Variants in ATG2A observed in about 807,000 individuals in gnomAD.
ATG2A encodes autophagy-related protein 2 homolog A.
A neutral mutation model predicts 214.2 loss-of-function variants in ATG2A; 103 were observed. The observed-to-expected ratio is 0.48, with a 90% CI of 0.41 to 0.57. The LOEUF (loss-of-function observed/expected upper bound fraction) is 0.57. ATG2A is among the 20% of genes least tolerant of loss of function. The probability of loss-of-function intolerance (pLI) is 0.00; values close to 1 mark genes in which losing one functional copy is unlikely to be tolerated. For missense variants in ATG2A, 2,312 were observed against 2,613.2 expected (o/e 0.88, Z 2.51); for synonymous variants, 1,160 against 1,142.1 (o/e 1.02, Z -0.32).
intron 10 of ATG2A, 38 bp from the exon 11 acceptor site, chr11:64,910,992 G>T: frequency 6.2e-7 from 1 of 1,613,610 alleles, no homozygotes; most frequent in South Asian, 1.1e-5. Context: ...GGTGCACTTA[G>T]GGGGCTCTGA....
At chr11:64,907,004 C>T (rs1254693930) in intron 19 of ATG2A, among the ~76,000 whole-genome samples, 189 bp from the exon 20 acceptor site, 1 of 152,204 alleles carries the variant, frequency 6.6e-6, no homozygotes, top group Non-Finnish European at 1.5e-5. Context: ...CCGGGTCTGC[C>T]CGCTCGGAGT....
rs901968744 is a variant in ATG2A at position 64,898,580 on chromosome 11, G to A, written c.4671+56C>T. 2.5e-6 allele frequency: 4 copies of A among 1,578,008 alleles called. No homozygotes were observed. Among genetic ancestry groups the A allele is most frequent in the Admixed American group, 3.3e-5 (2 of 59,704 alleles). On this transcript the variant is annotated intron_variant, in intron 32 of 40. Transcript: ENST00000377264. The surrounding 1 kb of genome is among the most constrained non-coding windows in gnomAD (Gnocchi z 4.5). ...TGTGAATCCATGCATGCGTGAAGAT[G>A]TATCCCCAACGGTCTGGTGCCCTGC... is the stretch of plus-strand genomic sequence containing the variant.
chr11:64,916,471 T>G (rs1388648195), intron 1 of ATG2A, among the ~76,000 whole-genome samples: 1 of 152,084 alleles, frequency 6.6e-6, no homozygotes, highest in Non-Finnish European at 1.5e-5. Context: ...ATCCGGTGGT[T>G]TGTTGATCCC....
At chr11:64,897,609 C>T in intron 36 of ATG2A, 62 bp downstream of exon 36, 1 of 1,610,520 alleles carries the variant, frequency 6.2e-7, no homozygotes, top group African/African-American at 1.3e-5. Flanking sequence ...AAGACCTGGC[C>T]CCCAGAGGGA....
chr11:64,911,730 T>C (rs1590655695), intron 9 of ATG2A, 112 bp downstream of exon 9: 8 of 1,441,026 alleles, frequency 5.6e-6, no homozygotes, highest in African/African-American at 1.4e-5. Context: ...TCACAGATGG[T>C]AGATATCCAG....
chr11:64,898,522 A>G lies in ATG2A; in HGVS notation c.4671+114T>C. The G allele has an allele frequency of 7.3e-7, 1 of 1,377,396 alleles. No homozygotes were observed. 85.3% of individuals were successfully genotyped at this position (1,377,396 alleles called of 1,614,324 possible). On this transcript the variant is annotated intron_variant, in intron 32 of 40. Coordinates refer to ENST00000377264, the MANE Select transcript of ATG2A (RefSeq NM_015104.3). This position sits in a 1 kb window ranked among gnomAD's most constrained non-coding sequence, Gnocchi z 4.5. Reference sequence around the variant, plus strand: ...TGCCCTTCTCCCAGGCTCACAAACAACCTGGGTGTTTGTGTGGGAATGCGT... The same window carrying G: ...TGCCCTTCTCCCAGGCTCACAAACAGCCTGGGTGTTTGTGTGGGAATGCGT...
At chr11:64,901,203 G>C (rs895542707) in intron 29 of ATG2A, 111 bp from the exon 30 acceptor site, 30 of 1,135,000 alleles carry the variant, frequency 2.6e-5, no homozygotes, top group Non-Finnish European at 3.4e-5. Flanking sequence ...TTTATAGACA[G>C]GGTCGGGTCA....
Position 64,910,656 on chromosome 11 carries a change from G to T in ATG2A, c.1667C>A (p.Ala556Asp), listed in dbSNP as rs750210096. 5.0e-6 allele frequency: 8 copies of T among 1,609,364 alleles called. No homozygotes were observed. The change falls in exon 12 of 41, where the codon GCC (alanine) becomes GAC (aspartate). Residue 556 changes from alanine to aspartate, a missense_variant. Transcript: ENST00000377264. ...CAGGATCTGTGTGTGGCGCAGATGGGCGCAGGGCCGAGCTGAGGCCTGGGA... is the reference window on the plus strand; with the variant it reads ...CAGGATCTGTGTGTGGCGCAGATGGTCGCAGGGCCGAGCTGAGGCCTGGGA... Reference protein sequence around the residue: ...LGSQASARPCAHLRHTQILRR... With the variant: ...LGSQASARPCDHLRHTQILRR...
rs1473946735 is a variant in ATG2A, at chr11:64,913,502, G to C, written c.591-101C>G. ...TAGGGGCACGGGGTCAGGGAGCCTA[G>C]CCTGCAGAGCTGCCCCATCACACCT... is the stretch of plus-strand genomic sequence containing the variant. On this transcript the variant is annotated intron_variant, in intron 4 of 40. Transcript: ENST00000377264. This position sits in a 1 kb window ranked among gnomAD's most constrained non-coding sequence, Gnocchi z 4.3. 1.1e-5 allele frequency: 15 copies of C among 1,394,082 alleles called. No homozygotes were observed. The highest frequency in any genetic ancestry group is 1.4e-5 in the Non-Finnish European group (15 of 1,053,174). The allele number at this position is 1,394,082 out of a possible 1,614,324, so 86.4% of individuals were successfully genotyped here.
chr11:64,913,615 C>A lies in ATG2A; in HGVS notation c.590+206G>T. On this transcript the variant is annotated intron_variant, in intron 4 of 40. Coordinates refer to ENST00000377264, the MANE Select transcript of ATG2A (RefSeq NM_015104.3). This position sits in a 1 kb window ranked among gnomAD's most constrained non-coding sequence, Gnocchi z 4.3. ...TCAGCATCTAACTTGGTTCTTGGGG[C>A]CTCGGCCACTCTGGGCCTGTATCAC... is the stretch of plus-strand genomic sequence containing the variant. The A allele has an allele frequency of 1.2e-6, 1 of 802,164 alleles. No individual in the cohort carries two copies. The highest frequency in any genetic ancestry group is 1.9e-6 in the Non-Finnish European group (1 of 520,584). 49.7% of individuals were successfully genotyped at this position (802,164 alleles called of 1,614,324 possible).
chr11:64,895,500 G>A lies in ATG2A; in HGVS notation c.5428-58C>T. 3 of 1,474,662 alleles carry A rather than the reference G, an allele frequency of 2.0e-6. No individual in the cohort carries two copies. Among genetic ancestry groups the A allele is most frequent in the Non-Finnish European group, 2.7e-6 (3 of 1,108,732 alleles). The allele number at this position is 1,474,662 out of a possible 1,614,324, so 91.3% of individuals were successfully genotyped here. A position where few individuals can be genotyped will look rare whatever the true frequency, so the allele number is the denominator to read the frequency against. On this transcript the variant is annotated intron_variant, in intron 39 of 40. Transcript: ENST00000377264. The surrounding 1 kb of genome is among the most constrained non-coding windows in gnomAD (Gnocchi z 5.0). ...CTGGCTGGGGCACACGTCAGCCCCA[G>A]GCCCCCAGGACAGTCTGAGACCCCA...
intron 16 of ATG2A, 135 bp from the exon 17 acceptor site, chr11:64,908,025 A>G: frequency 9.4e-7 from 1 of 1,066,650 alleles, no homozygotes; most frequent in Non-Finnish European, 1.4e-6. Context: ...CTGGGGATGC[A>G]TGATAGCCGT....
Position 64,913,550 on chromosome 11 carries a change from C to G in ATG2A, c.591-149G>C. The G allele has an allele frequency of 8.9e-7, 1 of 1,124,402 alleles. No homozygotes were observed. Among genetic ancestry groups the G allele is most frequent in the Non-Finnish European group, 1.2e-6 (1 of 814,738 alleles). 69.7% of individuals were successfully genotyped at this position (1,124,402 alleles called of 1,614,324 possible). A position where few individuals can be genotyped will look rare whatever the true frequency, so the allele number is the denominator to read the frequency against. ...CCTAGGCCGTCCTGAACCACCATGT[C>G]CAGCCCGGAGGCTCAGGCCAGCCCT... On this transcript the variant is annotated intron_variant, in intron 4 of 40. Transcript: ENST00000377264. This position sits in a 1 kb window ranked among gnomAD's most constrained non-coding sequence, Gnocchi z 4.3.
rs781674793 is a variant in ATG2A at position 64,917,146 on chromosome 11, G to A, written c.-11C>T. On this transcript the variant is annotated 5_prime_UTR_variant, in exon 1 of 41. Transcript: ENST00000377264. ...CAGCCATCGTGACATCTCGGAGACC[G>A]CCGGGCCTGGGCCGCCTCCGCTTGC... 68 of 1,593,610 alleles carry A rather than the reference G, an allele frequency of 4.3e-5. No individual in the cohort carries two copies. The South Asian group carries it at 4.9e-4, about 11-fold the overall frequency.
chr11:64,902,167 A>T lies in ATG2A; in HGVS notation c.3914T>A (p.Leu1305His). ...RELAQPSGGH[L>H]PQASPISVYL... is the part of the protein sequence containing the mutation. ...GACGGAGATGGGCGACGCCTGAGGG[A>T]GGTGGCCACCTATAGGAGAGAGGCC... The change falls in exon 29 of 41, where the codon CTC (leucine) becomes CAC (histidine). Residue 1305 changes from leucine (L) to histidine (H), a missense_variant. Leu to His is a moderately conservative substitution (Grantham distance 99). Transcript: ENST00000377264. 2 of 1,612,924 alleles carry T rather than the reference A, an allele frequency of 1.2e-6. No individual in the cohort carries two copies. Among genetic ancestry groups the T allele is most frequent in the South Asian group, 1.1e-5 (1 of 91,080 alleles).
Position 64,912,434 on chromosome 11 carries a change from A to G in ATG2A, c.826-11T>C, listed in dbSNP as rs772876935. 20 of 1,545,322 alleles carry G rather than the reference A, an allele frequency of 1.3e-5. No individual in the cohort carries two copies. The highest frequency in any genetic ancestry group is 3.9e-5 in the Admixed American group (2 of 50,640). Reference sequence around the variant, plus strand: ...TCCCGCCACCTCCAACTGGGGGCCAAGGAGGCAGCCATGGAGCCTAGGCCC... The same window carrying G: ...TCCCGCCACCTCCAACTGGGGGCCAGGGAGGCAGCCATGGAGCCTAGGCCC... On this transcript the variant is annotated splice_polypyrimidine_tract_variant and intron_variant, in intron 6 of 40. Coordinates refer to ENST00000377264, the MANE Select transcript of ATG2A (RefSeq NM_015104.3).
In ATG2A at chr11:64,895,304, C is replaced by G; in HGVS notation, c.5566G>C (p.Asp1856His). 6.2e-7 allele frequency: 1 copy of G among 1,613,412 alleles called. No homozygotes were observed. The highest frequency in any genetic ancestry group is 8.5e-7 in the Non-Finnish European group (1 of 1,179,890). ...GGCCTGGTCACCTCTCGCACTGTGTCGTAGGCCTTGGCCACACCCTCCCGC... is the reference window on the plus strand; with the variant it reads ...GGCCTGGTCACCTCTCGCACTGTGTGGTAGGCCTTGGCCACACCCTCCCGC... ...DLREGVAKAY[D>H]TVREGILDTA... is the part of the protein sequence containing the mutation. The change falls in exon 40 of 41, where the codon GAC becomes CAC. Residue 1856 changes from aspartate to histidine, a missense_variant. By Grantham distance (81) the Asp-to-His change is moderately conservative. Transcript: ENST00000377264. This position sits in a 1 kb window ranked among gnomAD's most constrained non-coding sequence, Gnocchi z 5.0.
In ATG2A at chr11:64,907,009, C is replaced by T. The variant is rs547918938; in HGVS notation, c.2833-194G>A. 2.6e-5 allele frequency among the ~76,000 whole-genome samples: 4 copies of T among 152,334 alleles called. No homozygotes were observed. The East Asian group carries it at 5.8e-4, about 22-fold the overall frequency. ...ATAATCTCTGCCGGGTCTGCCCGCT[C>T]GGAGTGGGAACAGTGGGTGCTCCAT... On this transcript the variant is annotated intron_variant, in intron 19 of 40. Coordinates refer to ENST00000377264, the MANE Select transcript of ATG2A (RefSeq NM_015104.3).
rs1944126806 is a variant in ATG2A at position 64,895,717 on chromosome 11, C to T, written c.5428-275G>A. On this transcript the variant is annotated intron_variant, in intron 39 of 40. Coordinates refer to ENST00000377264, the MANE Select transcript of ATG2A (RefSeq NM_015104.3). The surrounding 1 kb of genome is among the most constrained non-coding windows in gnomAD (Gnocchi z 5.0). ...CCCAAACCTCTCTTCCTGCTGACCA[C>T]CACATTCAGCAGGTTCCACATGGCT... Among the ~76,000 whole-genome samples, 1 of 152,186 alleles carries T rather than the reference C, an allele frequency of 6.6e-6. No homozygotes were observed. The highest frequency in any genetic ancestry group is 1.5e-5 in the Non-Finnish European group (1 of 68,016).
Sources: allele counts gnomAD v4.1 joint callset (sites outside exome capture counted in the v4.1 genomes callset), GRCh38; gene constraint gnomAD v4.1.1; non-coding constraint Gnocchi (gnomAD v3.1); transcripts MANE v1.5; gene names NCBI Gene and HGNC (gene_info 2026-07-23, HGNC 2026-07-21).